Variants in NUP62 observed in about 807,000 individuals in gnomAD.
The protein encoded by NUP62 is nucleoporin 62.
For synonymous variants in NUP62, 305 were observed against 303.4 expected, an observed-to-expected ratio of 1.01 and a Z score of -0.05; for missense variants, 647 against 689.4, an observed-to-expected ratio of 0.94 and a Z score of 0.69.
chr19:49,920,089 AT>A (rs894001021), intron 2 of NUP62, among the ~76,000 whole-genome samples: 45 of 146,924 alleles, frequency 3.1e-4, no homozygotes, highest in Middle Eastern at 3.6e-3. Flanking sequence ...ACACCAGCTA[AT>A]TTTTTTTTTT....
intron 2 of NUP62, chr19:49,911,381 C>G (rs970128745): frequency 6.6e-6 from 1 of 152,184 alleles, no homozygotes; most frequent in African/African-American, 2.4e-5. Flanking sequence ...CTCAAAAAAA[C>G]AAAAGAATAA....
chr19:49,923,317 G>C (rs532780050), intron 2 of NUP62, among the ~76,000 whole-genome samples: 2 of 152,176 alleles, frequency 1.3e-5, no homozygotes, highest in Non-Finnish European at 2.9e-5. Flanking sequence ...GCTCCTCTCA[G>C]GGACCTCAGT....
chr19:49,908,918 A>G lies in NUP62; in HGVS notation c.890T>C (p.Leu297Pro). The part of the protein sequence containing the change: ...TTGFALNLKP[L>P]APAGIPSNTA... The stretch of plus-strand genomic sequence containing the variant: ...ATTGCTGGGGATCCCGGCTGGCGCC[A>G]GTGGTTTTAAATTCAAGGCAAAGCC... Residue 297 changes from leucine to proline, a missense_variant, in exon 3 of 3, where the codon CTG (leucine) becomes CCG (proline). Leu to Pro is a moderately conservative substitution (Grantham distance 98). Transcript: ENST00000352066. The G allele has an allele frequency of 6.2e-7, 1 of 1,607,564 alleles. No homozygotes were observed. The highest frequency in any genetic ancestry group is 1.1e-5 in the South Asian group (1 of 90,962).
rs1568697899 is a variant in NUP62, at chr19:49,908,443, G to A, written c.1365C>T (p.Ile455=). The A allele has an allele frequency of 3.1e-6, 5 of 1,614,140 alleles. No homozygotes were observed. Among genetic ancestry groups the A allele is most frequent in the Non-Finnish European group, 3.4e-6 (4 of 1,180,046 alleles). Residue 455 remains isoleucine (I), a synonymous_variant, in exon 3 of 3, where the codon ATC becomes ATT. Transcript: ENST00000352066. ...KRMAQDLKDI[I]EHLNTSGAPA... is the part of the protein sequence containing the mutation. ...GGGCCCCGGACGTGTTCAGGTGCTC[G>A]ATGATGTCCTTGAGATCCTGGGCCA...
intron 2 of NUP62, among the ~76,000 whole-genome samples, chr19:49,922,351 C>T (rs2075785867): frequency 6.6e-6 from 1 of 152,144 alleles, no homozygotes; most frequent in African/African-American, 2.4e-5. Context: ...AATAAGACAC[C>T]AGCCCCACTT....
chr19:49,907,831 C>G lies in NUP62; in HGVS notation c.*408G>C, dbSNP rs2075358317. On this transcript the variant is annotated 3_prime_UTR_variant, in exon 3 of 3. Transcript: ENST00000352066. ...GATTACAGGGGTGAGCCACTGCGCC[C>G]TGACTTGGAGGTTCTCTTACATTTG... 3.0e-6 allele frequency: 1 copy of G among 332,854 alleles called. No individual in the cohort carries two copies. Among genetic ancestry groups the G allele is most frequent in the African/African-American group, 2.2e-5 (1 of 46,098 alleles). The allele number at this position is 332,854 out of a possible 1,614,324, so 20.6% of individuals were successfully genotyped here. A position where few individuals can be genotyped will look rare whatever the true frequency, so the allele number is the denominator to read the frequency against.
chr19:49,908,595 C>T lies in NUP62; in HGVS notation c.1213G>A (p.Asp405Asn). The T allele has an allele frequency of 1.2e-6, 2 of 1,614,090 alleles. No homozygotes were observed. Among genetic ancestry groups the T allele is most frequent in the Non-Finnish European group, 1.7e-6 (2 of 1,180,030 alleles). ...AACTCCTCCAGTGGGCTCAGCAGGTCTTCCAGCTCCTTCTGCTGGGACAGG... is the reference window on the plus strand; with the variant it reads ...AACTCCTCCAGTGGGCTCAGCAGGTTTTCCAGCTCCTTCTGCTGGGACAGG... ...FILSQQKELE[D>N]LLSPLEELVK... is the part of the protein sequence containing the mutation. Residue 405 changes from aspartate to asparagine, a missense_variant, in exon 3 of 3, where the codon GAC (aspartate) becomes AAC (asparagine). Asp to Asn is a conservative substitution (Grantham distance 23). Transcript: ENST00000352066.
chr19:49,908,912 G>A lies in NUP62; in HGVS notation c.896C>T (p.Pro299Leu), dbSNP rs1460406720. ...TGCTGTATTGCTGGGGATCCCGGCT[G>A]GCGCCAGTGGTTTTAAATTCAAGGC... ...GFALNLKPLA[P>L]AGIPSNTAAA... The change falls in exon 3 of 3, where the codon CCA becomes CTA. Residue 299 changes from proline (P) to leucine (L), a missense_variant. By Grantham distance (98) the Pro-to-Leu change is moderately conservative. Coordinates refer to ENST00000352066, the MANE Select transcript of NUP62 (RefSeq NM_016553.5). 1 of 1,607,390 alleles carries A rather than the reference G, an allele frequency of 6.2e-7. No individual in the cohort carries two copies. Among genetic ancestry groups the A allele is most frequent in the South Asian group, 1.1e-5 (1 of 90,964 alleles).
intron 2 of NUP62, among the ~76,000 whole-genome samples, chr19:49,920,993 C>G (rs556720390): frequency 6.6e-6 from 1 of 152,150 alleles, no homozygotes; most frequent in African/African-American, 2.4e-5. Context: ...TCTCTGGGAA[C>G]CAGGTGAAGG....
chr19:49,915,759 GGT>G (rs2075607577), intron 2 of NUP62, among the ~76,000 whole-genome samples: 1 of 152,198 alleles, frequency 6.6e-6, no homozygotes, highest in Admixed American at 6.5e-5. Flanking sequence ...AGGAAAGTGA[GGT>G]GTGATTCTGA....
intron 2 of NUP62, among the ~76,000 whole-genome samples, chr19:49,919,617 G>C (rs1390433442): frequency 2.0e-5 from 3 of 152,156 alleles, no homozygotes; most frequent in African/African-American, 7.2e-5. Context: ...TCACCTGACG[G>C]CTAATTAGCA....
chr19:49,917,086 G>A (rs1267798530), intron 2 of NUP62, among the ~76,000 whole-genome samples: 7 of 152,266 alleles, frequency 4.6e-5, no homozygotes, highest in Non-Finnish European at 7.3e-5. Flanking sequence ...CGTTATTTCA[G>A]ATTTGGGGGA....
At chr19:49,920,839 G>T (rs1348779664) in intron 2 of NUP62, among the ~76,000 whole-genome samples, 1 of 152,226 alleles carries the variant, frequency 6.6e-6, no homozygotes, top group African/African-American at 2.4e-5. Context: ...TGTGTGGCGG[G>T]GGAGGAACGG....
At chr19:49,910,760 C>T (rs1029698478) in intron 2 of NUP62, among the ~76,000 whole-genome samples, 39 of 152,142 alleles carry the variant, frequency 2.6e-4, no homozygotes, top group Admixed American at 5.2e-4. Context: ...CCAGAAGACC[C>T]ATGGGCCACA....
chr19:49,915,232 T>C (rs1461794247), intron 2 of NUP62, among the ~76,000 whole-genome samples: 1 of 152,156 alleles, frequency 6.6e-6, no homozygotes, highest in African/African-American at 2.4e-5. Flanking sequence ...TGACCTTACA[T>C]GGCAAAGGGA....
chr19:49,928,072 A>G (rs762827526), intron 1 of NUP62: 1 of 152,330 alleles, frequency 6.6e-6, no homozygotes, highest in Non-Finnish European at 1.5e-5. Flanking sequence ...GGCACCCATC[A>G]TTTGGAATGG....
intron 2 of NUP62, among the ~76,000 whole-genome samples, chr19:49,910,146 C>T (rs975199456): frequency 4.6e-5 from 7 of 152,038 alleles, no homozygotes; most frequent in African/African-American, 1.2e-4. Flanking sequence ...GAGGACGAGG[C>T]GGGAGAACAG....
Position 49,908,855 on chromosome 19 carries a change from G to A in NUP62, c.953C>T (p.Ala318Val). Residue 318 changes from alanine (A) to valine (V), a missense_variant, in exon 3 of 3, where the codon GCA (alanine) becomes GTA (valine). Physicochemically the swap from Ala to Val is moderately conservative, Grantham distance 64. Transcript: ENST00000352066. ...AAVTAPPGPG[A>V]AAGAAASSAM... Reference sequence around the variant, plus strand: ...GGAGCTGGCAGCCGCCCCTGCAGCTGCGCCAGGGCCAGGTGGAGCGGTCAC... The same window carrying A: ...GGAGCTGGCAGCCGCCCCTGCAGCTACGCCAGGGCCAGGTGGAGCGGTCAC... 6.2e-7 allele frequency: 1 copy of A among 1,612,094 alleles called. No homozygotes were observed. The highest frequency in any genetic ancestry group is 1.1e-5 in the South Asian group (1 of 91,072).
Position 49,909,462 on chromosome 19 carries a change from G to C in NUP62, c.346C>G (p.Leu116Val), listed in dbSNP as rs1372476176. The C allele has an allele frequency of 6.2e-7, 1 of 1,614,112 alleles. No individual in the cohort carries two copies. The highest frequency in any genetic ancestry group is 1.1e-5 in the South Asian group (1 of 91,082). ...GCATTAGTGAGGTTGCTGCTGCCCAGCCCAAAGCCGCTGGGGTTTGCCATG... is the reference window on the plus strand; with the variant it reads ...GCATTAGTGAGGTTGCTGCTGCCCACCCCAAAGCCGCTGGGGTTTGCCATG... ...PAMANPSGFG[L>V]GSSNLTNAIS... Residue 116 changes from leucine to valine, a missense_variant, in exon 3 of 3, where the codon CTG becomes GTG. Leu to Val is a conservative substitution (Grantham distance 32). Coordinates refer to ENST00000352066, the MANE Select transcript of NUP62 (RefSeq NM_016553.5).
Sources: allele counts gnomAD v4.1 joint callset (sites outside exome capture counted in the v4.1 genomes callset), GRCh38; gene constraint gnomAD v4.1.1; transcripts MANE v1.5; gene names NCBI Gene and HGNC (gene_info 2026-07-23, HGNC 2026-07-21).